The following RSF1 variants were observed in gnomAD, a reference collection of about 807,000 sequenced individuals.
RSF1 encodes the protein HBV pX-associated protein 8.
RSF1 carries 13 observed loss-of-function variants against 145.2 expected under a neutral mutation model. The ratio of observed to expected loss-of-function variants is 0.09; its 90% CI spans 0.06 to 0.14. The LOEUF is 0.14. Among genes scored for constraint, RSF1 ranks in the 10% least tolerant of loss-of-function variants. The pLI, the probability that RSF1 is intolerant of heterozygous loss-of-function variation, is 1.00. For missense variants in RSF1, 1,517 were observed against 1,718.2 expected (o/e 0.88, Z 2.07); for synonymous variants, 577 against 592.6 (o/e 0.97, Z 0.38).
upstream of RSF1, among the ~76,000 whole-genome samples, chr11:77,824,060 G>A (rs1196871090): frequency 7.9e-5 from 12 of 152,202 alleles, no homozygotes; most frequent in Admixed American, 6.5e-4. Context: ...GCATCAGAAA[G>A]TTATATCCAC....
intron 3 of RSF1, among the ~76,000 whole-genome samples, chr11:77,743,996 T>C (rs1947970520): frequency 6.6e-6 from 1 of 152,192 alleles, no homozygotes; most frequent in African/African-American, 2.4e-5. Flanking sequence ...CTTCATTCTC[T>C]TAATGTGGAG....
At chr11:77,690,864 T>C (rs996387805) in intron 9 of RSF1, 6 of 377,580 alleles carry the variant, frequency 1.6e-5, no homozygotes, top group South Asian at 1.2e-4. Context: ...ACAGACAATA[T>C]ACAAACAAAT....
At chr11:77,823,777 G>A (rs1315042583), upstream of RSF1, among the ~76,000 whole-genome samples, 2 of 152,032 alleles carry the variant, frequency 1.3e-5, no homozygotes, top group South Asian at 4.1e-4. Context: ...GTATCTTTGT[G>A]AAGGAATTTC....
At chr11:77,675,408 T>C in intron 13 of RSF1, 152 bp from the exon 14 acceptor site, 1 of 630,286 alleles carries the variant, frequency 1.6e-6, no homozygotes, top group East Asian at 2.8e-5. Context: ...ATTTATAAAA[T>C]GGGGAAAATG....
At chr11:77,723,011 C>T (rs1029006336) in intron 5 of RSF1, among the ~76,000 whole-genome samples, 2 of 152,180 alleles carry the variant, frequency 1.3e-5, no homozygotes, top group East Asian at 1.9e-4. Flanking sequence ...CACATTTTCT[C>T]TGGCTTTGAT....
intron 1 of RSF1, 91 bp downstream of exon 1, chr11:77,820,437 C>T: frequency 4.4e-6 from 6 of 1,348,848 alleles, no homozygotes; most frequent in Non-Finnish European, 6.0e-6. Flanking sequence ...CGCGGAGGCC[C>T]GAGCCGCGAA....
At chr11:77,869,548 T>A in the RSF1 span, 1 of 541,482 alleles carries the variant, frequency 1.8e-6, no homozygotes. Flanking sequence ...AACTCCTAGG[T>A]TCAAGGGATC....
At chr11:77,802,700 C>T (rs895059906) in intron 1 of RSF1, among the ~76,000 whole-genome samples, 2 of 152,030 alleles carry the variant, frequency 1.3e-5, no homozygotes, top group Non-Finnish European at 2.9e-5. Flanking sequence ...CGCACCAGCA[C>T]GCCTGGCTAA....
chr11:77,698,724 T>C, intron 6 of RSF1, 31 bp from the exon 7 acceptor site: 3 of 1,568,552 alleles, frequency 1.9e-6, no homozygotes, highest in Non-Finnish European at 1.8e-6. Context: ...TTGGGATAAT[T>C]TGATATAAGA....
chr11:77,757,063 G>T (rs755469788), intron 2 of RSF1, among the ~76,000 whole-genome samples: 5 of 152,186 alleles, frequency 3.3e-5, no homozygotes, highest in Non-Finnish European at 1.5e-5. Flanking sequence ...TTTTCTTCAG[G>T]TGGTGACATC....
chr11:77,670,739 T>G (rs2135809503), intron 15 of RSF1, among the ~76,000 whole-genome samples: 1 of 152,284 alleles, frequency 6.6e-6, no homozygotes, highest in South Asian at 2.1e-4. Context: ...CCAAACATTT[T>G]TTTTCCCTTT....
intron 3 of RSF1, among the ~76,000 whole-genome samples, chr11:77,746,148 T>C (rs1947997443): frequency 6.6e-6 from 1 of 152,140 alleles, no homozygotes; most frequent in African/African-American, 2.4e-5. Context: ...ATAATTTCTA[T>C]AACTTTGACT....
chr11:77,687,662 T>C (rs1193267743), intron 9 of RSF1, among the ~76,000 whole-genome samples: 1 of 152,086 alleles, frequency 6.6e-6, no homozygotes, highest in Non-Finnish European at 1.5e-5. Flanking sequence ...ATCGTGCCAC[T>C]GCACTCTAGC....
At position 77,691,173 on chromosome 11, in the gene RSF1, C is replaced by T; in HGVS notation, c.2886G>A (p.Glu962=). Residue 962 remains glutamate, a synonymous_variant, in exon 9 of 16, where the codon GAG becomes GAA. Transcript: ENST00000308488. ...TATAAAAATACCTTCGTTCGGCACG[C>T]TCTTTCTTCTTTAAGGCAACATCCA... ...QDLDVALKKK[E]RAERRKERLV... is the part of the protein sequence containing the mutation. 6.2e-7 allele frequency: 1 copy of T among 1,614,126 alleles called. No individual in the cohort carries two copies.
At chr11:77,757,759 G>A (rs970665191) in intron 2 of RSF1, among the ~76,000 whole-genome samples, 1 of 152,138 alleles carries the variant, frequency 6.6e-6, no homozygotes, top group Non-Finnish European at 1.5e-5. Context: ...CTAATGTCAA[G>A]GAGAACAACT....
rs1434835464 is a variant in RSF1, at chr11:77,725,434, G to C, written c.733+111C>G. 11 of 889,126 alleles carry C rather than the reference G, an allele frequency of 1.2e-5. No homozygotes were observed. In the East Asian group the frequency reaches 2.0e-4, roughly 16 times the overall value. 55.1% of individuals were successfully genotyped at this position (889,126 alleles called of 1,614,324 possible). On this transcript the variant is annotated intron_variant, in intron 5 of 15. Coordinates refer to ENST00000308488, the MANE Select transcript of RSF1 (RefSeq NM_016578.4). ...AAAATCAACCTCCTTTTATAAGAAG[G>C]CTCCCAATTCAAATTGAGATAGAAA... is the stretch of plus-strand genomic sequence containing the variant.
chr11:77,688,431 G>A (rs1960066715), intron 9 of RSF1, among the ~76,000 whole-genome samples: 1 of 152,198 alleles, frequency 6.6e-6, no homozygotes, highest in Admixed American at 6.5e-5. Context: ...GAGCAAGATG[G>A]AGGCAAAGGA....
the RSF1 span, chr11:77,869,655 A>T: frequency 7.0e-7 from 1 of 1,432,590 alleles, no homozygotes; most frequent in African/African-American, 1.4e-5. Context: ...AATGAATCCC[A>T]CAAGAATGCC....
At chr11:77,862,825 A>T in the RSF1 span, among the ~76,000 whole-genome samples, 1 of 152,148 alleles carries the variant, frequency 6.6e-6, no homozygotes, top group Admixed American at 6.5e-5. Flanking sequence ...CTTGAAGAGG[A>T]TATCATGGCC....
Sources: allele counts gnomAD v4.1 joint callset (sites outside exome capture counted in the v4.1 genomes callset), GRCh38; gene constraint gnomAD v4.1.1; transcripts MANE v1.5; gene names NCBI Gene and HGNC (gene_info 2026-07-23, HGNC 2026-07-21).